Variants in KIF26B observed in about 807,000 individuals in gnomAD.
KIF26B encodes kinesin-like protein KIF26B.
In KIF26B, 63 loss-of-function variants were observed where a neutral mutation model predicts 151.2. The observed-to-expected ratio is 0.42, with a 90% confidence interval of 0.34 to 0.51. KIF26B has a LOEUF of 0.51. Ranked by LOEUF, KIF26B falls within the 20% of genes least tolerant of loss-of-function variation. KIF26B has a pLI of 0.07. For missense variants in KIF26B, 2,813 were observed against 2,913.6 expected, an observed-to-expected ratio of 0.97 and a Z score of 0.79; for synonymous variants, 1,357 against 1,262.1, an observed-to-expected ratio of 1.08 and a Z score of -1.59.
chr1:245,624,710 A>G (rs1572165462), intron 9 of KIF26B, among the ~76,000 whole-genome samples: 1 of 152,166 alleles, frequency 6.6e-6, no homozygotes, highest in South Asian at 2.1e-4. Flanking sequence ...TCTCAACAGC[A>G]TCTTTTGAAA....
At chr1:245,549,877 T>C (rs985966717) in intron 5 of KIF26B, among the ~76,000 whole-genome samples, 2 of 152,080 alleles carry the variant, frequency 1.3e-5, no homozygotes, top group Admixed American at 6.5e-5. Context: ...GCTTCCCAGA[T>C]TCAAGCGATT....
chr1:245,645,879 T>C (rs772233099), intron 9 of KIF26B, among the ~76,000 whole-genome samples: 1 of 152,266 alleles, frequency 6.6e-6, no homozygotes, highest in Non-Finnish European at 1.5e-5. Context: ...AATTCACTTA[T>C]TTGTAGTGTG....
At position 245,187,341 on chromosome 1, in the gene KIF26B, G is replaced by A. The variant is rs1669017800; in HGVS notation, c.465+30658G>A. On this transcript the variant is annotated intron_variant, in intron 2 of 14. Coordinates refer to ENST00000407071, the MANE Select transcript of KIF26B (RefSeq NM_018012.4). The stretch of plus-strand genomic sequence containing the variant: ...TGGACAATAGAGAAAGACAGACAGT[G>A]GAGATTGCAAAGATGGGGCAGGTTG... Among the ~76,000 whole-genome samples, 3 of 152,180 alleles carry A rather than the reference G, an allele frequency of 2.0e-5. No individual in the cohort carries two copies. In the South Asian group the frequency reaches 6.2e-4, roughly 32 times the overall value.
intron 3 of KIF26B, among the ~76,000 whole-genome samples, chr1:245,384,819 G>A (rs1673502628): frequency 6.6e-6 from 1 of 152,206 alleles, no homozygotes; most frequent in African/African-American, 2.4e-5. Context: ...GGTTTTGTCT[G>A]ACTTGAAATA....
intron 2 of KIF26B, among the ~76,000 whole-genome samples, chr1:245,292,482 T>C (rs1370499159): frequency 1.3e-5 from 2 of 152,186 alleles, no homozygotes; most frequent in African/African-American, 4.8e-5. Context: ...GGTGCACGGC[T>C]CCTTTTCCTC....
intron 2 of KIF26B, among the ~76,000 whole-genome samples, chr1:245,278,109 A>G (rs1670970732): frequency 6.6e-6 from 1 of 152,138 alleles, no homozygotes; most frequent in Non-Finnish European, 1.5e-5. Flanking sequence ...AGGTGGCATA[A>G]TAACAAAAGG....
intron 4 of KIF26B, among the ~76,000 whole-genome samples, chr1:245,522,056 A>G (rs1046755098): frequency 1.3e-5 from 2 of 152,000 alleles, no homozygotes; most frequent in African/African-American, 2.4e-5. Flanking sequence ...TTTTTAGTAG[A>G]GACGGGGTTT....
intron 2 of KIF26B, among the ~76,000 whole-genome samples, chr1:245,260,054 A>T (rs1670605661): frequency 6.6e-6 from 1 of 151,512 alleles, no homozygotes; most frequent in South Asian, 2.1e-4. Flanking sequence ...AGGTGAAAGG[A>T]TGTACCTCCT....
At chr1:245,355,254 G>A (rs1052927904) in intron 2 of KIF26B, among the ~76,000 whole-genome samples, 3 of 152,028 alleles carry the variant, frequency 2.0e-5, no homozygotes. Flanking sequence ...GCTGGGATGC[G>A]GGGTGCTGCT....
chr1:245,683,611 A>G (rs2044467983), intron 10 of KIF26B, among the ~76,000 whole-genome samples: 1 of 152,214 alleles, frequency 6.6e-6, no homozygotes, highest in African/African-American at 2.4e-5. Flanking sequence ...TGTTGTGGAT[A>G]GAGTGACTGG....
chr1:245,243,471 C>CACAT (rs1212157430), intron 2 of KIF26B, among the ~76,000 whole-genome samples: 12 of 150,256 alleles, frequency 8.0e-5, no homozygotes, highest in South Asian at 4.3e-4. Flanking sequence ...CACACACACA[C>CACAT]ATATATATAT....
intron 10 of KIF26B, among the ~76,000 whole-genome samples, chr1:245,674,307 G>A (rs2044330890): frequency 6.6e-6 from 1 of 152,028 alleles, no homozygotes; most frequent in Admixed American, 6.6e-5. Context: ...AAATTTAAAA[G>A]GAAGTGAAAC....
intron 2 of KIF26B, among the ~76,000 whole-genome samples, chr1:245,261,016 T>C (rs1427805250): frequency 6.7e-5 from 10 of 149,258 alleles, no homozygotes; most frequent in African/African-American, 2.5e-4. Flanking sequence ...CCTTCCCTCC[T>C]TCCTTCCTCT....
At chr1:245,622,861 G>A (rs2043679497) in intron 9 of KIF26B, among the ~76,000 whole-genome samples, 1 of 152,034 alleles carries the variant, frequency 6.6e-6, no homozygotes, top group Admixed American at 6.6e-5. Flanking sequence ...GATGTACCCA[G>A]AGACACGCCT....
At chr1:245,395,205 C>T (rs998621779) in intron 3 of KIF26B, among the ~76,000 whole-genome samples, 48 of 152,066 alleles carry the variant, frequency 3.2e-4, no homozygotes, top group African/African-American at 1.2e-3. Flanking sequence ...GAGTGCATGT[C>T]GATGTTGAAA....
chr1:245,699,065 G>A, intron 14 of KIF26B, 28 bp downstream of exon 14: 2 of 1,605,094 alleles, frequency 1.2e-6, no homozygotes, highest in Non-Finnish European at 1.7e-6. Flanking sequence ...TCCCACCCTT[G>A]TGACTAGTGG....
At chr1:245,691,855 G>A (rs983715381) in intron 12 of KIF26B, among the ~76,000 whole-genome samples, 3 of 152,124 alleles carry the variant, frequency 2.0e-5, no homozygotes, top group Non-Finnish European at 4.4e-5. Flanking sequence ...ATTCTTGGAG[G>A]TCCATGTTGC....
At position 245,488,601 on chromosome 1, in the gene KIF26B, G is replaced by A. The variant is rs1397860908; in HGVS notation, c.1167-52166G>A. 6.6e-6 allele frequency among the ~76,000 whole-genome samples: 1 copy of A among 152,204 alleles called. No individual in the cohort carries two copies. Among genetic ancestry groups the A allele is most frequent in the East Asian group, 1.9e-4 (1 of 5,194 alleles). On this transcript the variant is annotated intron_variant, in intron 4 of 14. Transcript: ENST00000407071. The surrounding 1 kb of genome is among the most constrained non-coding windows in gnomAD (Gnocchi z 4.6). ...CATCCATCCCTGGAATTAGATCGGA[G>A]CCACAGATGCTATCACTCCTCTGCC...
intron 10 of KIF26B, among the ~76,000 whole-genome samples, chr1:245,678,633 G>C (rs2044385985): frequency 6.6e-6 from 1 of 152,138 alleles, no homozygotes; most frequent in African/African-American, 2.4e-5. Flanking sequence ...GGAGGCCAAG[G>C]AGGGAGGATC....
Sources: gnomAD v4.1 joint callset for allele counts (sites outside exome capture counted in the v4.1 genomes callset) on GRCh38, gnomAD v4.1.1 for gene constraint, Gnocchi (gnomAD v3.1) non-coding constraint, MANE v1.5 for transcripts, NCBI Gene and HGNC (gene_info 2026-07-23, HGNC 2026-07-21) for gene names.